The following GIGYF2 variants were observed in gnomAD, a reference collection of about 807,000 sequenced individuals.
GIGYF2 encodes GRB10-interacting GYF protein 2.
A neutral mutation model predicts 208.1 loss-of-function variants in GIGYF2; 25 were observed. The observed-to-expected ratio is 0.12, with a 90% CI of 0.09 to 0.17. GIGYF2 has a LOEUF of 0.17. Among genes scored for constraint, GIGYF2 ranks in the 10% least tolerant of loss-of-function variants. The probability of loss-of-function intolerance (pLI) is 1.00; values close to 1 mark genes in which losing one functional copy is unlikely to be tolerated. For missense variants in GIGYF2, 1,302 were observed against 1,579.4 expected (o/e 0.82, Z 2.98); for synonymous variants, 534 against 543.8 (o/e 0.98, Z 0.25).
chr2:232,747,854 C>T (rs1698202349), intron 4 of GIGYF2, 110 bp downstream of exon 4: 2 of 996,898 alleles, frequency 2.0e-6, no homozygotes, highest in South Asian at 1.4e-5. Flanking sequence ...TGACCCATGC[C>T]TTTCCACCTT....
At chr2:232,727,166 A>G (rs777465023) in intron 2 of GIGYF2, among the ~76,000 whole-genome samples, 4 of 152,132 alleles carry the variant, frequency 2.6e-5, no homozygotes, top group Non-Finnish European at 5.9e-5. Context: ...GGGTTTCACT[A>G]TATTGGCCAG....
At chr2:232,762,708 A>G (rs1381928350) in intron 8 of GIGYF2, among the ~76,000 whole-genome samples, 2 of 152,174 alleles carry the variant, frequency 1.3e-5, no homozygotes, top group African/African-American at 4.8e-5. Flanking sequence ...TTTCTCATTT[A>G]TGAATGTGGC....
rs13393621 is a variant in GIGYF2 at position 232,790,526 on chromosome 2, A to G, written c.713-172A>G. ...TACTGTTGTCATCTCGTAATGGTAC[A>G]TATACTCTGAACTCTGAACTTCATT... On this transcript the variant is annotated intron_variant, in intron 9 of 28. Transcript: ENST00000373563. Among the ~76,000 whole-genome samples, 6,819 of 152,286 alleles carry G rather than the reference A, an allele frequency of 0.045. 208 individuals carry two copies. Among genetic ancestry groups the G allele is most frequent in the Non-Finnish European group, 0.067 (4,532 of 68,024 alleles).
chr2:232,812,891 T>C (rs7606011), intron 18 of GIGYF2, among the ~76,000 whole-genome samples: 20,505 of 152,038 alleles, frequency 0.13, 2,140 homozygotes, highest in African/African-American at 0.28. Flanking sequence ...GTGCTAGCTA[T>C]TCAGGAGGCT....
intron 2 of GIGYF2, among the ~76,000 whole-genome samples, chr2:232,733,629 C>G (rs957213242): frequency 1.3e-5 from 2 of 152,146 alleles, no homozygotes; most frequent in Non-Finnish European, 2.9e-5. Flanking sequence ...ATACAGTTGT[C>G]CCTCAGTATC....
intron 8 of GIGYF2, among the ~76,000 whole-genome samples, chr2:232,771,712 C>T (rs1439050896): frequency 2.6e-5 from 4 of 152,170 alleles, no homozygotes; most frequent in Non-Finnish European, 5.9e-5. Flanking sequence ...GGGTGTCAAG[C>T]ATTTATTGAT....
intron 8 of GIGYF2, among the ~76,000 whole-genome samples, chr2:232,780,232 CAGTT>C (rs1052177037): frequency 1.1e-4 from 16 of 152,282 alleles, no homozygotes; most frequent in South Asian, 2.1e-4. Context: ...GAAGTCCACT[CAGTT>C]AGACCAGGCA....
chr2:232,710,110 C>G (rs531568535), intron 2 of GIGYF2, among the ~76,000 whole-genome samples: 2 of 151,988 alleles, frequency 1.3e-5, no homozygotes, highest in South Asian at 4.2e-4. Context: ...CAGGCACCCG[C>G]CACCATGCCC....
chr2:232,840,508 C>T (rs1701782256), intron 23 of GIGYF2, among the ~76,000 whole-genome samples: 1 of 145,864 alleles, frequency 6.9e-6, no homozygotes, highest in Non-Finnish European at 1.5e-5. Flanking sequence ...TAGTTTGGTT[C>T]AGTATGCCAT....
intron 22 of GIGYF2, among the ~76,000 whole-genome samples, chr2:232,834,057 C>T (rs1324719025): frequency 6.6e-6 from 1 of 151,716 alleles, no homozygotes. Flanking sequence ...GGGGTGCCTG[C>T]CAGATAAGTT....
intron 7 of GIGYF2, among the ~76,000 whole-genome samples, 155 bp from the exon 8 acceptor site, chr2:232,761,241 T>C (rs949087474): frequency 2.0e-5 from 3 of 152,216 alleles, no homozygotes; most frequent in African/African-American, 7.2e-5. Context: ...CTTTGTGCTT[T>C]TCTATATTTT....
At chr2:232,706,393 C>T (rs983104127) in intron 2 of GIGYF2, among the ~76,000 whole-genome samples, 1 of 152,154 alleles carries the variant, frequency 6.6e-6, no homozygotes. Flanking sequence ...TCCGTAATCC[C>T]AGCATGTTGG....
chr2:232,716,949 G>A (rs1358522438), intron 2 of GIGYF2, among the ~76,000 whole-genome samples: 2 of 151,418 alleles, frequency 1.3e-5, no homozygotes, highest in Non-Finnish European at 2.9e-5. Flanking sequence ...GGGACCACAG[G>A]CTAGCACCAC....
intron 14 of GIGYF2, among the ~76,000 whole-genome samples, chr2:232,805,964 G>A (rs1432476215): frequency 1.3e-5 from 2 of 152,056 alleles, no homozygotes; most frequent in Non-Finnish European, 2.9e-5. Flanking sequence ...TGTTATTTAT[G>A]TATATAAAAT....
intron 3 of GIGYF2, among the ~76,000 whole-genome samples, chr2:232,738,744 C>G (rs1306522866): frequency 1.3e-5 from 2 of 152,120 alleles, no homozygotes; most frequent in Non-Finnish European, 2.9e-5. Flanking sequence ...TATATATACC[C>G]TTGAACAATT....
rs749146143 is a variant in GIGYF2 at position 232,756,295 on chromosome 2, G to T, written c.340G>T (p.Val114Leu). 1.9e-6 allele frequency: 3 copies of T among 1,592,018 alleles called. No homozygotes were observed. The highest frequency in any genetic ancestry group is 2.6e-6 in the Non-Finnish European group (3 of 1,171,738). Reference protein sequence around the residue: ...LTGRGGGGTVVGAPRGRSSSR... With the variant: ...LTGRGGGGTVLGAPRGRSSSR... ...AGGACGAGGAGGAGGAGGAACAGTG[G>T]TGGGGGCTCCTAGAGGTCGAAGTTC... The change falls in exon 6 of 29, where the codon GTG (valine) becomes TTG (leucine). Residue 114 changes from valine to leucine, a missense_variant. Coordinates refer to ENST00000373563, the MANE Select transcript of GIGYF2 (RefSeq NM_001103146.3).
At position 232,815,756 on chromosome 2, in the gene GIGYF2, T is replaced by C. The variant is rs760916363; in HGVS notation, c.2208+19T>C. ...TGCAAAGGTCTGAAACTCATTCTTCTGCAACAGTGCATTGTCATCTGGCTG... is the reference window on the plus strand; with the variant it reads ...TGCAAAGGTCTGAAACTCATTCTTCCGCAACAGTGCATTGTCATCTGGCTG... On this transcript the variant is annotated intron_variant, in intron 19 of 28. Coordinates refer to ENST00000373563, the MANE Select transcript of GIGYF2 (RefSeq NM_001103146.3). The C allele has an allele frequency of 1.7e-6, 2 of 1,193,250 alleles. No individual in the cohort carries two copies. The highest frequency in any genetic ancestry group is 2.5e-6 in the Non-Finnish European group (2 of 795,738). The allele number at this position is 1,193,250 out of a possible 1,614,324, so 73.9% of individuals were successfully genotyped here.
intron 5 of GIGYF2, 26 bp from the exon 6 acceptor site, chr2:232,756,197 C>CTTTTT (rs759525243): frequency 4.5e-4 from 320 of 710,262 alleles, no homozygotes; most frequent in South Asian, 1.5e-3. Flanking sequence ...TCCTTTTTCT[C>CTTTTT]TTTTTTTTTT....
intron 1 of GIGYF2, among the ~76,000 whole-genome samples, chr2:232,697,597 A>T (rs1396429009): frequency 6.6e-6 from 1 of 152,076 alleles, no homozygotes; most frequent in South Asian, 2.1e-4. Flanking sequence ...GCAGGGCCGG[A>T]GGGAGCCTCC....
Sources: allele counts gnomAD v4.1 joint callset (sites outside exome capture counted in the v4.1 genomes callset), GRCh38; gene constraint gnomAD v4.1.1; transcripts MANE v1.5; gene names NCBI Gene and HGNC (gene_info 2026-07-23, HGNC 2026-07-21).